Variants in GREB1 observed in about 807,000 individuals in gnomAD.
GREB1 encodes protein GREB1.
A neutral mutation model predicts 200.7 loss-of-function variants in GREB1; 106 were observed. The observed-to-expected ratio is 0.53, with a 90% CI of 0.45 to 0.62. GREB1 has a LOEUF of 0.62. GREB1 is among the 20% of genes least tolerant of loss of function. The probability of loss-of-function intolerance (pLI) is 0.00; values close to 1 mark genes in which losing one functional copy is unlikely to be tolerated. For missense variants in GREB1, 2,243 were observed against 2,556.8 expected, an observed-to-expected ratio of 0.88 and a Z score of 2.65; for synonymous variants, 1,132 against 1,092.4, an observed-to-expected ratio of 1.04 and a Z score of -0.72.
chr2:11,574,774 G>A (rs1018861950), intron 4 of GREB1, among the ~76,000 whole-genome samples: 3 of 152,222 alleles, frequency 2.0e-5, no homozygotes, highest in African/African-American at 7.2e-5. Flanking sequence ...TGAGATGAAT[G>A]ACAAGAATGG....
At chr2:11,550,453 G>A (rs1419903303) in intron 1 of GREB1, among the ~76,000 whole-genome samples, 1 of 152,190 alleles carries the variant, frequency 6.6e-6, no homozygotes, top group Non-Finnish European at 1.5e-5. Context: ...CATATCTGTT[G>A]CCAGCTATGT....
intron 26 of GREB1, 47 bp downstream of exon 26, chr2:11,630,156 G>A: frequency 2.5e-6 from 4 of 1,590,452 alleles, no homozygotes; most frequent in Non-Finnish European, 3.4e-6. Flanking sequence ...GGCTTCAACT[G>A]GGGACTGAGC....
At chr2:11,541,551 C>T (rs879360166) in intron 1 of GREB1, among the ~76,000 whole-genome samples, 7 of 152,242 alleles carry the variant, frequency 4.6e-5, no homozygotes, top group Admixed American at 1.3e-4. Context: ...CCACTGCCTC[C>T]GACTCTTTCC....
At chr2:11,599,072 G>A (rs1214611728) in intron 15 of GREB1, among the ~76,000 whole-genome samples, 2 of 152,172 alleles carry the variant, frequency 1.3e-5, no homozygotes, top group African/African-American at 2.4e-5. Context: ...TTACCATGGT[G>A]GAATTTAAGG....
upstream of GREB1, among the ~76,000 whole-genome samples, chr2:11,532,110 A>G (rs1001142963): frequency 2.0e-5 from 3 of 152,234 alleles, no homozygotes; most frequent in African/African-American, 7.2e-5. Context: ...TAGCAAGAAT[A>G]AAGTGGGAAA....
intron 22 of GREB1, among the ~76,000 whole-genome samples, chr2:11,620,413 T>A (rs569827138): frequency 6.6e-6 from 1 of 152,288 alleles, no homozygotes; most frequent in Non-Finnish European, 1.5e-5. Flanking sequence ...AGCAGGGAAC[T>A]CTACGTTATA....
chr2:11,600,026 G>T (rs1376789311), intron 15 of GREB1, among the ~76,000 whole-genome samples: 1 of 152,218 alleles, frequency 6.6e-6, no homozygotes, highest in Non-Finnish European at 1.5e-5. Context: ...CCTGGGCCAG[G>T]TCGTGGAGAA....
chr2:11,560,286 A>C (rs1676874315), intron 2 of GREB1, among the ~76,000 whole-genome samples: 1 of 152,198 alleles, frequency 6.6e-6, no homozygotes, highest in African/African-American at 2.4e-5. Context: ...TCTACTACAC[A>C]TGATTTCATC....
chr2:11,605,497 T>A (rs1429074579), intron 17 of GREB1, among the ~76,000 whole-genome samples: 2 of 152,166 alleles, frequency 1.3e-5, no homozygotes, highest in Non-Finnish European at 2.9e-5. Context: ...GTGTTGGGAT[T>A]ACAGGCGTGA....
At chr2:11,576,261 C>T (rs933627653) in intron 4 of GREB1, 92 bp from the exon 5 acceptor site, 21 of 1,008,212 alleles carry the variant, frequency 2.1e-5, no homozygotes, top group African/African-American at 1.1e-4. Context: ...GAGCCGAGAT[C>T]GCACCATTGC....
rs566987813 is a variant in GREB1 at position 11,582,400 on chromosome 2, C to G, written c.901+1568C>G. Among the ~76,000 whole-genome samples the G allele has an allele frequency of 2.0e-5, 3 of 152,322 alleles. No homozygotes were observed. In the South Asian group the frequency reaches 6.2e-4, roughly 32 times the overall value. On this transcript the variant is annotated intron_variant, in intron 7 of 32. Transcript: ENST00000381486. Reference sequence around the variant, plus strand: ...CCTCATTCCCTGCTATTTTGGCTACCCTGGGCAGTTGAGCTCCCCCACCCC... The same window carrying G: ...CCTCATTCCCTGCTATTTTGGCTACGCTGGGCAGTTGAGCTCCCCCACCCC...
intron 2 of GREB1, among the ~76,000 whole-genome samples, chr2:11,557,607 C>T (rs1007974389): frequency 6.6e-6 from 1 of 152,128 alleles, no homozygotes; most frequent in Admixed American, 6.6e-5. Context: ...TAGAGAAGAA[C>T]GAGGTGTGGA....
rs1333863118 is a variant in GREB1, at chr2:11,640,781, TTC to T, written c.*331_*332del. On this transcript the variant is annotated 3_prime_UTR_variant, in exon 33 of 33. Coordinates refer to ENST00000381486, the MANE Select transcript of GREB1 (RefSeq NM_014668.4). The surrounding 1 kb of genome is among the most constrained non-coding windows in gnomAD (Gnocchi z 4.6). ...GCTTCCATGGACAAACCTGATTTTT[TTC>T]TCTTAGTTCTAAAGAATCTTGGGTT... The T allele has an allele frequency of 3.9e-6, 1 of 258,220 alleles. No homozygotes were observed. Among genetic ancestry groups the T allele is most frequent in the Non-Finnish European group, 7.2e-6 (1 of 138,156 alleles). The allele number at this position is 258,220 out of a possible 1,614,324, so 16.0% of individuals were successfully genotyped here.
intron 17 of GREB1, among the ~76,000 whole-genome samples, chr2:11,607,843 A>G (rs145656620): frequency 6.6e-6 from 1 of 152,266 alleles, no homozygotes; most frequent in East Asian, 1.9e-4. Flanking sequence ...TTGTAAAAGA[A>G]TAGGAAAGGT....
chr2:11,587,741 A>G lies in GREB1; in HGVS notation c.1160-1005A>G, dbSNP rs62118309. The G allele has an allele frequency of 0.021, 16,200 of 788,040 alleles. 2,136 individuals are homozygous for G. The African/African-American group carries it at 0.21, about 10-fold the overall frequency. The allele number at this position is 788,040 out of a possible 1,614,324, so 48.8% of individuals were successfully genotyped here. On this transcript the variant is annotated intron_variant, in intron 9 of 32. Transcript: ENST00000381486. ...CACACACACACACACACACACACAC[A>G]CGCCACCTTTGGGAGCTCAGCAGCC...
At chr2:11,517,783 C>T (rs1673557474) in intron 1 of GREB1, among the ~76,000 whole-genome samples, 2 of 152,164 alleles carry the variant, frequency 1.3e-5, no homozygotes, top group Non-Finnish European at 2.9e-5. Flanking sequence ...TCCCGAGTAG[C>T]TGGGACTACA....
intron 26 of GREB1, 142 bp downstream of exon 26, chr2:11,630,251 G>T: frequency 2.8e-6 from 2 of 705,576 alleles, no homozygotes; most frequent in South Asian, 2.0e-5. Flanking sequence ...GTCGCGCACG[G>T]GCTCTGGAGT....
intron 1 of GREB1, among the ~76,000 whole-genome samples, chr2:11,537,664 A>G (rs1290547602): frequency 6.8e-6 from 1 of 146,388 alleles, no homozygotes; most frequent in East Asian, 1.9e-4. Flanking sequence ...ATAAAAATAT[A>G]AAAATATTTT....
At chr2:11,587,311 C>T in intron 9 of GREB1, 1 of 1,125,460 alleles carries the variant, frequency 8.9e-7, no homozygotes, top group Non-Finnish European at 1.4e-6. Context: ...ACTTCTCTGT[C>T]CCTCTTTTAT....
Sources: allele counts gnomAD v4.1 joint callset (sites outside exome capture counted in the v4.1 genomes callset), GRCh38; gene constraint gnomAD v4.1.1; non-coding constraint Gnocchi (gnomAD v3.1); transcripts MANE v1.5; gene names NCBI Gene and HGNC (gene_info 2026-07-23, HGNC 2026-07-21).